LRFN5: variants seen among roughly 807,000 people sequenced by gnomAD.
LRFN5 encodes leucine-rich repeat and fibronectin type-III domain-containing protein 5.
LRFN5 carries 24 observed loss-of-function variants against 45.6 expected under a neutral mutation model. That is an observed-to-expected ratio of 0.53 (90% CI 0.38 to 0.74). LRFN5 has a LOEUF of 0.74. Ranked by LOEUF, LRFN5 falls within the 30% of genes least tolerant of loss-of-function variation. LRFN5 has a pLI of 0.00. For synonymous variants in LRFN5, 340 were observed against 313.8 expected, an observed-to-expected ratio of 1.08 and a Z score of -0.88; for missense variants, 776 against 861.5, an observed-to-expected ratio of 0.90 and a Z score of 1.24.
intron 1 of LRFN5, among the ~76,000 whole-genome samples, chr14:41,710,094 T>A (rs181806282): frequency 6.6e-6 from 1 of 152,120 alleles, no homozygotes; most frequent in Admixed American, 6.5e-5. Flanking sequence ...TTTAAATAAA[T>A]GTAGTATAAT....
At chr14:41,745,347 A>G (rs1026143689) in intron 1 of LRFN5, among the ~76,000 whole-genome samples, 3 of 152,070 alleles carry the variant, frequency 2.0e-5, no homozygotes, top group African/African-American at 7.2e-5. Context: ...AAACAAAATC[A>G]TAATATATCA....
At chr14:41,889,556 T>C (rs1237227545) in intron 3 of LRFN5, among the ~76,000 whole-genome samples, 1 of 152,150 alleles carries the variant, frequency 6.6e-6, no homozygotes, top group Non-Finnish European at 1.5e-5. Flanking sequence ...AAACATTAGC[T>C]CTGTGAAATA....
intron 2 of LRFN5, among the ~76,000 whole-genome samples, chr14:41,819,232 T>A (rs950316691): frequency 6.6e-6 from 1 of 152,110 alleles, no homozygotes; most frequent in Non-Finnish European, 1.5e-5. Context: ...GATTTTCCCT[T>A]GGGTAGATAT....
At chr14:41,677,387 A>T (rs1881682714) in intron 1 of LRFN5, among the ~76,000 whole-genome samples, 1 of 152,190 alleles carries the variant, frequency 6.6e-6, no homozygotes. Flanking sequence ...ACATACACAC[A>T]CATCAGGCAG....
chr14:41,899,060 G>A, intron 5 of LRFN5, 100 bp downstream of exon 5: 1 of 946,318 alleles, frequency 1.1e-6, no homozygotes, highest in Non-Finnish European at 1.6e-6. Context: ...TATGTAGCTT[G>A]TTGAAATTTT....
chr14:41,886,893 A>T lies in LRFN5; in HGVS notation c.268A>T (p.Ile90Phe). 6.2e-7 allele frequency: 1 copy of T among 1,614,208 alleles called. No homozygotes were observed. The highest frequency in any genetic ancestry group is 8.5e-7 in the Non-Finnish European group (1 of 1,180,032). Residue 90 changes from isoleucine (I) to phenylalanine (F), a missense_variant, in exon 3 of 6, where the codon ATT becomes TTT. Physicochemically the swap from Ile to Phe is conservative, Grantham distance 21 (BLOSUM62 0). This residue lies in a region of LRFN5 where 311 missense variants were observed against 405.1 expected (regional missense o/e 0.77). Coordinates refer to ENST00000298119, the MANE Select transcript of LRFN5 (RefSeq NM_152447.5). ...TCTATCCAGGAATACAATAAGTTTT[A>T]TTACACCTCATGCTTTCGCTGACCT... ...LTLSRNTISF[I>F]TPHAFADLRN... is the part of the protein sequence containing the mutation.
chr14:41,684,862 T>G (rs1437458350), intron 1 of LRFN5, among the ~76,000 whole-genome samples: 1 of 152,094 alleles, frequency 6.6e-6, no homozygotes, highest in African/African-American at 2.4e-5. Context: ...AGTGAAGTGG[T>G]AATCCAGGGA....
chr14:41,637,558 T>G (rs1463313651), intron 1 of LRFN5, among the ~76,000 whole-genome samples: 1 of 152,148 alleles, frequency 6.6e-6, no homozygotes, highest in Non-Finnish European at 1.5e-5. Context: ...GCGCAGTAGT[T>G]AGAATTGGAA....
At chr14:41,764,940 G>A (rs990104806) in intron 1 of LRFN5, among the ~76,000 whole-genome samples, 6 of 152,086 alleles carry the variant, frequency 3.9e-5, no homozygotes, top group Admixed American at 6.5e-5. Context: ...TACTTTTTCA[G>A]TTAAGATACT....
chr14:41,820,128 C>A (rs2139010817), intron 2 of LRFN5, among the ~76,000 whole-genome samples: 2 of 151,930 alleles, frequency 1.3e-5, no homozygotes, highest in African/African-American at 4.8e-5. Flanking sequence ...AACTAAGACC[C>A]ATTTGTCTAT....
intron 1 of LRFN5, among the ~76,000 whole-genome samples, chr14:41,748,776 T>C (rs1885019171): frequency 6.6e-6 from 1 of 152,026 alleles, no homozygotes. Flanking sequence ...TACACTAGAA[T>C]TTCATATGTG....
intron 2 of LRFN5, among the ~76,000 whole-genome samples, chr14:41,871,382 G>T (rs1003397133): frequency 1.4e-4 from 21 of 152,120 alleles, no homozygotes; most frequent in African/African-American, 4.3e-4. Context: ...GAGGTCAGGA[G>T]TTCAAGACCA....
chr14:41,674,443 T>G (rs1186338136), intron 1 of LRFN5, among the ~76,000 whole-genome samples: 1 of 109,108 alleles, frequency 9.2e-6, no homozygotes, highest in Admixed American at 9.5e-5. Flanking sequence ...CACTTCCCAG[T>G]AGGGGCGGCC....
intron 1 of LRFN5, among the ~76,000 whole-genome samples, chr14:41,679,514 G>A (rs1289476047): frequency 6.6e-6 from 1 of 152,076 alleles, no homozygotes; most frequent in Non-Finnish European, 1.5e-5. Flanking sequence ...AGCCAGAAGG[G>A]AACATGTTGT....
chr14:41,809,093 C>T (rs1887650615), intron 2 of LRFN5, among the ~76,000 whole-genome samples: 1 of 152,028 alleles, frequency 6.6e-6, no homozygotes, highest in Admixed American at 6.6e-5. Flanking sequence ...GTACAAAGTG[C>T]CATATGGCTA....
At chr14:41,860,078 T>C (rs2139095407) in intron 2 of LRFN5, among the ~76,000 whole-genome samples, 1 of 152,180 alleles carries the variant, frequency 6.6e-6, no homozygotes, top group East Asian at 1.9e-4. Flanking sequence ...TACAGACAGT[T>C]ATCGCTGCCA....
At chr14:41,622,244 A>T (rs561601918) in intron 1 of LRFN5, among the ~76,000 whole-genome samples, 1 of 151,978 alleles carries the variant, frequency 6.6e-6, no homozygotes, top group African/African-American at 2.4e-5. Flanking sequence ...TTGGTTTGAT[A>T]ATTAGTGTTT....
At chr14:41,669,277 G>A (rs1031743404) in intron 1 of LRFN5, among the ~76,000 whole-genome samples, 20 of 151,078 alleles carry the variant, frequency 1.3e-4, no homozygotes, top group Non-Finnish European at 1.5e-5. Context: ...ATACAAATCA[G>A]TTAGAAATAA....
At chr14:41,620,410 G>A (rs889393120) in intron 1 of LRFN5, among the ~76,000 whole-genome samples, 1 of 152,084 alleles carries the variant, frequency 6.6e-6, no homozygotes, top group Non-Finnish European at 1.5e-5. Context: ...AACACAAAAA[G>A]TAGGTAAAGT....
Sources: gnomAD v4.1 joint callset for allele counts (sites outside exome capture counted in the v4.1 genomes callset) on GRCh38, gnomAD v4.1.1 for gene constraint, gnomAD v4.1.1 regional missense constraint, MANE v1.5 for transcripts, NCBI Gene and HGNC (gene_info 2026-07-23, HGNC 2026-07-21) for gene names.